RIF1: variants seen among roughly 807,000 people sequenced by gnomAD.
RIF1 encodes telomere-associated protein RIF1.
RIF1 carries 45 observed loss-of-function variants against 247.1 expected under a neutral mutation model. That is an observed-to-expected ratio of 0.18 (90% CI 0.14 to 0.23). The LOEUF (loss-of-function observed/expected upper bound fraction) is 0.23, where lower values mean the gene tolerates loss of function less well. Among genes scored for constraint, RIF1 ranks in the 10% least tolerant of loss-of-function variants. RIF1 has a pLI of 1.00. For synonymous variants in RIF1, 1,087 were observed against 978.8 expected, an observed-to-expected ratio of 1.11 and a Z score of -2.06; for missense variants, 2,967 against 2,862.5, an observed-to-expected ratio of 1.04 and a Z score of -0.83.
At chr2:151,460,760 T>C (rs1304089437) in intron 26 of RIF1, among the ~76,000 whole-genome samples, 1 of 152,244 alleles carries the variant, frequency 6.6e-6, no homozygotes, top group East Asian at 1.9e-4. Context: ...AGTACCAAAG[T>C]TACTTGTATG....
the RIF1 span, chr2:151,534,107 A>C: frequency 1.2e-6 from 1 of 823,464 alleles, no homozygotes; most frequent in Non-Finnish European, 2.0e-6. Flanking sequence ...AGAACAACCC[A>C]ATATCATAGG....
the RIF1 span, chr2:151,519,187 A>T: frequency 1.4e-6 from 1 of 736,378 alleles, no homozygotes; most frequent in Non-Finnish European, 2.4e-6. Flanking sequence ...ATGAAAAATC[A>T]TACCTCATTC....
At chr2:151,411,644 G>T (rs1263958399) in intron 3 of RIF1, among the ~76,000 whole-genome samples, 1 of 152,068 alleles carries the variant, frequency 6.6e-6, no homozygotes, top group Non-Finnish European at 1.5e-5. Context: ...CAGGTGATCC[G>T]CCTGCCTCAG....
At position 151,469,829 on chromosome 2, in the gene RIF1, G is replaced by T. The variant is rs1186741422; in HGVS notation, c.7060G>T (p.Val2354Leu). 1 of 1,610,148 alleles carries T rather than the reference G, an allele frequency of 6.2e-7. No homozygotes were observed. The highest frequency in any genetic ancestry group is 1.1e-5 in the South Asian group (1 of 90,464). The change falls in exon 34 of 36, where the codon GTA becomes TTA. Residue 2354 changes from valine to leucine, a missense_variant. Val to Leu is a conservative substitution (Grantham distance 32). Coordinates refer to ENST00000444746, the MANE Select transcript of RIF1 (RefSeq NM_018151.5). ...LPIRSPKVSN[V>L]KKALRIYHEQ... is the part of the protein sequence containing the mutation. ...TATCCGTTCTCCAAAAGTGTCCAAT[G>T]TAAAAAAGGCTCTCAGAATATATCA...
chr2:151,463,510 TTTG>T lies in RIF1; in HGVS notation c.3991_3993del (p.Leu1332del). 1 of 1,614,076 alleles carries T rather than the reference TTTG, an allele frequency of 6.2e-7. No individual in the cohort carries two copies. The highest frequency in any genetic ancestry group is 8.5e-7 in the Non-Finnish European group (1 of 1,179,982). Reference sequence around the variant, plus strand: ...TAGTCTTAGAAAATAACCCACCTGGTTTGCTTAATCAAACAGAATGTGTGTCAG... The same window carrying T: ...TAGTCTTAGAAAATAACCCACCTGGTCTTAATCAAACAGAATGTGTGTCAG... On this transcript the variant is annotated inframe_deletion, in exon 30 of 36. Transcript: ENST00000444746.
intron 11 of RIF1, among the ~76,000 whole-genome samples, chr2:151,435,896 G>A (rs747758490): frequency 6.6e-6 from 1 of 151,920 alleles, no homozygotes; most frequent in Non-Finnish European, 1.5e-5. Context: ...ACATGAAGCT[G>A]TTGATTTTAG....
At chr2:151,530,465 TC>T in the RIF1 span, among the ~76,000 whole-genome samples, 1 of 152,200 alleles carries the variant, frequency 6.6e-6, no homozygotes, top group Non-Finnish European at 1.5e-5. Flanking sequence ...AGTAAACTGT[TC>T]CGAGGGAGCC....
the RIF1 span, chr2:151,516,614 C>T: frequency 8.2e-7 from 1 of 1,215,686 alleles, no homozygotes; most frequent in South Asian, 1.3e-5. Flanking sequence ...AATTCCTAGA[C>T]AGCAGTTTAA....
chr2:151,520,953 T>G, the RIF1 span, among the ~76,000 whole-genome samples: 1 of 152,212 alleles, frequency 6.6e-6, no homozygotes. Flanking sequence ...AAACTGATGC[T>G]TTTGTCAACA....
chr2:151,489,127 A>G (rs2053883066), intron 9 of RIF1, among the ~76,000 whole-genome samples: 1 of 152,198 alleles, frequency 6.6e-6, no homozygotes, highest in South Asian at 2.1e-4. Flanking sequence ...ACTTTACAGT[A>G]TTCCCTTCCT....
chr2:151,493,677 A>G, intron 9 of RIF1: 2 of 1,027,018 alleles, frequency 1.9e-6, no homozygotes, highest in Non-Finnish European at 2.8e-6. Flanking sequence ...TTAAAGATAC[A>G]CAAAAGTTTT....
intron 20 of RIF1, 105 bp downstream of exon 20, chr2:151,446,680 A>G: frequency 1.8e-6 from 2 of 1,135,298 alleles, no homozygotes; most frequent in Non-Finnish European, 2.6e-6. Context: ...GCCTCTATTT[A>G]TATGTGATAA....
In RIF1 at chr2:151,443,296, A is replaced by C; in HGVS notation, c.1772A>C (p.Asn591Thr). The change falls in exon 17 of 36, where the codon AAC becomes ACC. Residue 591 changes from asparagine to threonine, a missense_variant. Asn to Thr is a moderately conservative substitution (Grantham distance 65). This residue lies in a region of RIF1 where 369 missense variants were observed against 322.0 expected (regional missense o/e 1.15). Coordinates refer to ENST00000444746, the MANE Select transcript of RIF1 (RefSeq NM_018151.5). ...TTGTTCTTAATTCAATTAATTTTCA[A>C]CAATTTCTTGGAATGTGGTGTATCA... ...PALFLIQLIF[N>T]NFLECGVSDE... 6.2e-7 allele frequency: 1 copy of C among 1,602,570 alleles called. No individual in the cohort carries two copies. Among genetic ancestry groups the C allele is most frequent in the Non-Finnish European group, 8.5e-7 (1 of 1,170,876 alleles).
intron 12 of RIF1, chr2:151,506,111 G>T: frequency 7.0e-7 from 1 of 1,437,852 alleles, no homozygotes; most frequent in Non-Finnish European, 9.8e-7. Flanking sequence ...ATAGGTCATT[G>T]TAAATTATCA....
chr2:151,453,833 T>C (rs1220455902), intron 21 of RIF1, among the ~76,000 whole-genome samples: 1 of 152,208 alleles, frequency 6.6e-6, no homozygotes, highest in Non-Finnish European at 1.5e-5. Flanking sequence ...GGCACAATTA[T>C]TGCTTGTTTC....
chr2:151,525,136 C>G, the RIF1 span: 1 of 1,524,678 alleles, frequency 6.6e-7, no homozygotes, highest in Non-Finnish European at 9.1e-7. Context: ...AAATGGGCCC[C>G]CAAGAGTGTT....
At chr2:151,493,816 C>G in intron 9 of RIF1, 1 of 1,588,442 alleles carries the variant, frequency 6.3e-7, no homozygotes, top group Non-Finnish European at 8.6e-7. Flanking sequence ...CTTTCCATCT[C>G]AGGAGTAAAG....
chr2:151,460,233 C>A, intron 26 of RIF1, 114 bp downstream of exon 26: 2 of 845,904 alleles, frequency 2.4e-6, no homozygotes, highest in Non-Finnish European at 3.5e-6. Context: ...GTTGGGATTG[C>A]AGGGGAATTG....
At chr2:151,430,358 G>C (rs896882415) in intron 9 of RIF1, among the ~76,000 whole-genome samples, 3 of 151,576 alleles carry the variant, frequency 2.0e-5, no homozygotes, top group African/African-American at 7.3e-5. Context: ...GTCTCACTGT[G>C]TTGCTCGGGC....
Sources: allele counts gnomAD v4.1 joint callset (sites outside exome capture counted in the v4.1 genomes callset), GRCh38; gene constraint gnomAD v4.1.1; regional missense constraint gnomAD v4.1.1; transcripts MANE v1.5; gene names NCBI Gene and HGNC (gene_info 2026-07-23, HGNC 2026-07-21).